Variants in PCDHGA12 observed in about 807,000 individuals in gnomAD.
PCDHGA12 encodes the protein protocadherin gamma-A12.
Under a neutral mutation model 61.1 loss-of-function variants are expected in PCDHGA12, and 43 were observed. That is an observed-to-expected ratio of 0.70 (90% CI 0.55 to 0.91). The LOEUF is 0.91. Ranked by LOEUF, PCDHGA12 falls within the 40% of genes least tolerant of loss-of-function variation. The pLI is 0.00. For synonymous variants in PCDHGA12, 520 were observed against 542.9 expected, an observed-to-expected ratio of 0.96 and a Z score of 0.59; for missense variants, 1,236 against 1,227.7, an observed-to-expected ratio of 1.01 and a Z score of -0.10.
rs1232672788 is a variant in PCDHGA12, at chr5:141,431,315, G to A, written c.556G>A (p.Ala186Thr). The A allele has an allele frequency of 6.2e-7, 1 of 1,614,080 alleles. No individual in the cohort carries two copies. Among genetic ancestry groups the A allele is most frequent in the South Asian group, 1.1e-5 (1 of 91,078 alleles). Residue 186 changes from alanine to threonine, a missense_variant, in exon 1 of 4, where the codon GCC becomes ACC. Physicochemically the swap from Ala to Thr is moderately conservative, Grantham distance 58. Coordinates refer to ENST00000252085, the MANE Select transcript of PCDHGA12 (RefSeq NM_003735.3). The surrounding 1 kb of genome is among the most constrained non-coding windows in gnomAD (Gnocchi z 4.8). ...CTTCTCCCTCATCGTGCAAAATGGAGCCGACGGTAGTAAGTACCCCGAATT... is the reference window on the plus strand; with the variant it reads ...CTTCTCCCTCATCGTGCAAAATGGAACCGACGGTAGTAAGTACCCCGAATT... Reference protein sequence around the residue: ...THFSLIVQNGADGSKYPELVL... With the variant: ...THFSLIVQNGTDGSKYPELVL...
At chr5:141,506,923 C>T (rs1414595306) in intron 3 of PCDHGA12, among the ~76,000 whole-genome samples, 4 of 152,184 alleles carry the variant, frequency 2.6e-5, no homozygotes, top group African/African-American at 9.7e-5. Context: ...ACATACTAAA[C>T]AAACTTTAGG....
chr5:141,433,634 G>T (rs2097636752), intron 1 of PCDHGA12, among the ~76,000 whole-genome samples: 1 of 152,078 alleles, frequency 6.6e-6, no homozygotes, highest in Admixed American at 6.5e-5. Flanking sequence ...TTGGGAGTTT[G>T]AGACCAGCCT....
intron 1 of PCDHGA12, among the ~76,000 whole-genome samples, chr5:141,473,246 A>G (rs1045740920): frequency 7.2e-5 from 11 of 152,224 alleles, no homozygotes; most frequent in Admixed American, 4.6e-4. Context: ...AAGTGAATAC[A>G]TATATAGTCC....
At chr5:141,478,712 G>T in intron 1 of PCDHGA12, 1 of 1,547,046 alleles carries the variant, frequency 6.5e-7, no homozygotes, top group Non-Finnish European at 8.7e-7. Flanking sequence ...TTTGTGAGAT[G>T]GTGGCCTGCC....
intron 1 of PCDHGA12, chr5:141,492,046 A>C: frequency 6.1e-6 from 3 of 494,434 alleles, no homozygotes; most frequent in South Asian, 8.1e-5. Flanking sequence ...TCACAGATCC[A>C]CCCCTGCAGC....
At chr5:141,497,855 C>T (rs1447484949) in intron 2 of PCDHGA12, among the ~76,000 whole-genome samples, 1 of 152,122 alleles carries the variant, frequency 6.6e-6, no homozygotes, top group Non-Finnish European at 1.5e-5. Flanking sequence ...ATTTTTGATT[C>T]AGCGGCTCCA....
rs1422052114 is a variant in PCDHGA12, at chr5:141,511,168, A to T, written c.2794A>T (p.Lys932Ter). The change falls in exon 4 of 4, where the codon AAG (lysine) becomes TAG (stop). Residue 932 changes from lysine to a stop codon, truncating the protein, a stop_gained. Coordinates refer to ENST00000252085, the MANE Select transcript of PCDHGA12 (RefSeq NM_003735.3). LOFTEE classifies it high-confidence loss of function. ...GAAGAAGTCGGGCAAGAAGGAGAAG[A>T]AGTAACATGGAGGCCAGGCCAAGAG... is the stretch of plus-strand genomic sequence containing the variant. The part of the protein sequence containing the change: ...NKKKSGKKEK[K>*] 1.4e-5 allele frequency: 22 copies of T among 1,614,038 alleles called. No individual in the cohort carries two copies. The highest frequency in any genetic ancestry group is 1.7e-5 in the Non-Finnish European group (20 of 1,180,008).
rs1161697588 is a variant in PCDHGA12, at chr5:141,491,464, T to C, written c.2425-3343T>C. 7 of 1,613,982 alleles carry C rather than the reference T, an allele frequency of 4.3e-6. No homozygotes were observed. In the African/African-American group the frequency reaches 9.3e-5, roughly 22 times the overall value. On this transcript the variant is annotated intron_variant, in intron 1 of 3. Transcript: ENST00000252085. This position sits in a 1 kb window ranked among gnomAD's most constrained non-coding sequence, Gnocchi z 6.9. ...CCAGGACTCACCCTCCCCGGACTTCTATAAGCAGTCCAGCCCCAACCTGCA... is the reference window on the plus strand; with the variant it reads ...CCAGGACTCACCCTCCCCGGACTTCCATAAGCAGTCCAGCCCCAACCTGCA...
At position 141,485,727 on chromosome 5, in the gene PCDHGA12, G is replaced by T. The variant is rs773176318; in HGVS notation, c.2425-9080G>T. The T allele has an allele frequency of 3.1e-6, 5 of 1,614,196 alleles. No homozygotes were observed. In the Admixed American group the frequency reaches 5.0e-5, roughly 16 times the overall value. Reference sequence around the variant, plus strand: ...CACTTTGCACTGGATGTGAAGAAGCGCAGCGACGGCAGCCTGGTCCCAGAG... The same window carrying T: ...CACTTTGCACTGGATGTGAAGAAGCTCAGCGACGGCAGCCTGGTCCCAGAG... On this transcript the variant is annotated intron_variant, in intron 1 of 3. Transcript: ENST00000252085. The surrounding 1 kb of genome is among the most constrained non-coding windows in gnomAD (Gnocchi z 5.7).
rs187713374 is a variant in PCDHGA12, at chr5:141,430,744, C to G, written c.-16C>G. 2.5e-4 allele frequency: 380 copies of G among 1,498,404 alleles called. 1 individual carries two copies. In the African/African-American group the frequency reaches 4.6e-3, roughly 18 times the overall value. The allele number at this position is 1,498,404 out of a possible 1,614,324, so 92.8% of individuals were successfully genotyped here. A position where few individuals can be genotyped will look rare whatever the true frequency, so the allele number is the denominator to read the frequency against. ...GTTAAGGGCAGAATTGAAAATAATTCTGGAGGAAGATAAGAATGATTCCTG... is the reference window on the plus strand; with the variant it reads ...GTTAAGGGCAGAATTGAAAATAATTGTGGAGGAAGATAAGAATGATTCCTG... On this transcript the variant is annotated 5_prime_UTR_variant, in exon 1 of 4. Coordinates refer to ENST00000252085, the MANE Select transcript of PCDHGA12 (RefSeq NM_003735.3).
intron 1 of PCDHGA12, among the ~76,000 whole-genome samples, chr5:141,454,907 A>T (rs1304287479): frequency 1.4e-5 from 2 of 139,080 alleles, no homozygotes; most frequent in East Asian, 4.3e-4. Context: ...TCCCGGGTTC[A>T]CGCCATTCTC....
intron 1 of PCDHGA12, among the ~76,000 whole-genome samples, chr5:141,459,755 G>A (rs1383912891): frequency 2.0e-5 from 3 of 152,182 alleles, no homozygotes; most frequent in African/African-American, 7.2e-5. Flanking sequence ...CAATTCTAGT[G>A]GGTGTGTGAT....
rs1193497090 is a variant in PCDHGA12 at position 141,485,890 on chromosome 5, C to T, written c.2425-8917C>T. On this transcript the variant is annotated intron_variant, in intron 1 of 3. Coordinates refer to ENST00000252085, the MANE Select transcript of PCDHGA12 (RefSeq NM_003735.3). This position sits in a 1 kb window ranked among gnomAD's most constrained non-coding sequence, Gnocchi z 5.7. ...CCGTGCTGGACGTAAACGACAACGC[C>T]CCAGCCTTCCAGCAATCCAGCTACA... The T allele has an allele frequency of 6.2e-6, 10 of 1,614,156 alleles. No homozygotes were observed. Among genetic ancestry groups the T allele is most frequent in the Non-Finnish European group, 6.8e-6 (8 of 1,180,022 alleles).
intron 1 of PCDHGA12, chr5:141,478,489 C>G (rs779457709): frequency 5.6e-6 from 9 of 1,613,162 alleles, no homozygotes; most frequent in Middle Eastern, 1.6e-4. Flanking sequence ...CGCTGCGGAG[C>G]TGTGATCCGG....
chr5:141,497,032 T>C (rs1206131945), intron 2 of PCDHGA12, among the ~76,000 whole-genome samples: 1 of 151,652 alleles, frequency 6.6e-6, no homozygotes, highest in East Asian at 1.9e-4. Flanking sequence ...CGATTAAAAA[T>C]ACAAAAATTA....
intron 3 of PCDHGA12, among the ~76,000 whole-genome samples, chr5:141,510,375 G>A (rs980966602): frequency 3.4e-5 from 5 of 148,132 alleles, no homozygotes; most frequent in East Asian, 2.0e-4. Context: ...ATCTCTACTC[G>A]TGCCAGGCCT....
At chr5:141,508,642 T>A (rs893357826) in intron 3 of PCDHGA12, among the ~76,000 whole-genome samples, 13 of 152,070 alleles carry the variant, frequency 8.5e-5, no homozygotes, top group Admixed American at 2.6e-4. Flanking sequence ...AGCTACTCCG[T>A]CAGGCCCTTC....
Position 141,431,859 on chromosome 5 carries a change from C to T in PCDHGA12, c.1100C>T (p.Ala367Val). ...AACTCTCCCAGAGGGACATTAATTG[C>T]CCTTTTAAATGTAAATGACCAAGAT... The part of the protein sequence containing the change: ...PENSPRGTLI[A>V]LLNVNDQDSE... The change falls in exon 1 of 4, where the codon GCC becomes GTC. Residue 367 changes from alanine to valine, a missense_variant. Ala to Val is a moderately conservative substitution (Grantham distance 64, BLOSUM62 0). Coordinates refer to ENST00000252085, the MANE Select transcript of PCDHGA12 (RefSeq NM_003735.3). The surrounding 1 kb of genome is among the most constrained non-coding windows in gnomAD (Gnocchi z 4.8). 3.1e-6 allele frequency: 5 copies of T among 1,614,178 alleles called. No homozygotes were observed. The highest frequency in any genetic ancestry group is 4.2e-6 in the Non-Finnish European group (5 of 1,180,008).
chr5:141,485,944 G>C lies in PCDHGA12; in HGVS notation c.2425-8863G>C, dbSNP rs2099621875. 1 of 1,613,998 alleles carries C rather than the reference G, an allele frequency of 6.2e-7. No homozygotes were observed. Reference sequence around the variant, plus strand: ...TTAGTGTGTTGGAGAGCGCACCAGCGGGCATGGTGCTCATCCAGCTCAATG... The same window carrying C: ...TTAGTGTGTTGGAGAGCGCACCAGCCGGCATGGTGCTCATCCAGCTCAATG... On this transcript the variant is annotated intron_variant, in intron 1 of 3. Transcript: ENST00000252085. This position sits in a 1 kb window ranked among gnomAD's most constrained non-coding sequence, Gnocchi z 5.7.
Sources: gnomAD v4.1 joint callset for allele counts (sites outside exome capture counted in the v4.1 genomes callset) on GRCh38, gnomAD v4.1.1 for gene constraint, Gnocchi (gnomAD v3.1) non-coding constraint, MANE v1.5 for transcripts, NCBI Gene and HGNC (gene_info 2026-07-23, HGNC 2026-07-21) for gene names.